TECRL: variants seen among roughly 807,000 people sequenced by gnomAD.
TECRL encodes the protein trans-2,3-enoyl-CoA reductase-like.
A neutral mutation model predicts 52.8 loss-of-function variants in TECRL; 63 were observed. The ratio of observed to expected loss-of-function variants is 1.19; its 90% confidence interval spans 0.97 to 1.47. The LOEUF (loss-of-function observed/expected upper bound fraction) is 1.47. Ranked by LOEUF, TECRL falls within the 40% of genes most tolerant of loss-of-function variation. The pLI is 0.00. For synonymous variants in TECRL, 164 were observed against 141.9 expected (o/e 1.16, Z -1.10); for missense variants, 482 against 429.6 (o/e 1.12, Z -1.08).
At chr4:64,338,900 A>G (rs968700784) in intron 2 of TECRL, among the ~76,000 whole-genome samples, 3 of 152,308 alleles carry the variant, frequency 2.0e-5, no homozygotes, top group Non-Finnish European at 2.9e-5. Context: ...CTAGAACTAG[A>G]AATACCATTT....
chr4:64,348,301 C>T (rs1720138810), intron 2 of TECRL, among the ~76,000 whole-genome samples: 1 of 152,116 alleles, frequency 6.6e-6, no homozygotes, highest in East Asian at 1.9e-4. Context: ...ATTTATGAAA[C>T]CATCAGATCT....
intron 2 of TECRL, among the ~76,000 whole-genome samples, chr4:64,367,231 C>T (rs1157347695): frequency 1.0e-5 from 1 of 97,052 alleles, no homozygotes; most frequent in Non-Finnish European, 2.2e-5. Context: ...CTGGAGCCTG[C>T]TTGAGGGTGG....
intron 6 of TECRL, 101 bp from the exon 7 acceptor site, chr4:64,305,339 C>A (rs1724267173): frequency 2.1e-6 from 2 of 944,910 alleles, no homozygotes; most frequent in East Asian, 2.6e-5. Context: ...AATTTGAAAC[C>A]ACCACATACA....
At chr4:64,374,506 A>G (rs1286911213) in intron 2 of TECRL, among the ~76,000 whole-genome samples, 1 of 151,798 alleles carries the variant, frequency 6.6e-6, no homozygotes, top group African/African-American at 2.4e-5. Context: ...GGTGTGCTGC[A>G]CCCATTAACC....
At chr4:64,337,060 C>T (rs1719144761) in intron 2 of TECRL, among the ~76,000 whole-genome samples, 3 of 152,048 alleles carry the variant, frequency 2.0e-5, no homozygotes, top group Admixed American at 1.3e-4. Flanking sequence ...TCCTGGATAT[C>T]CTTGTTAATT....
intron 2 of TECRL, among the ~76,000 whole-genome samples, chr4:64,360,929 C>G (rs1198929125): frequency 6.6e-6 from 1 of 152,168 alleles, no homozygotes; most frequent in Non-Finnish European, 1.5e-5. Context: ...GGTGCAGGAA[C>G]AGGCACAGTG....
chr4:64,409,445 A>G lies in TECRL; in HGVS notation c.-94T>C. On this transcript the variant is annotated 5_prime_UTR_variant, in exon 1 of 12. Transcript: ENST00000381210. Reference sequence around the variant, plus strand: ...GTTAAATACTGCTGGAGAACCTTTGAAAGGTCAAATGGTATGCCATTCCAA... The same window carrying G: ...GTTAAATACTGCTGGAGAACCTTTGGAAGGTCAAATGGTATGCCATTCCAA... 6.6e-7 allele frequency: 1 copy of G among 1,520,130 alleles called. No homozygotes were observed. 94.2% of individuals were successfully genotyped at this position (1,520,130 alleles called of 1,614,324 possible). A position where few individuals can be genotyped will look rare whatever the true frequency, so the allele number is the denominator to read the frequency against.
intron 2 of TECRL, among the ~76,000 whole-genome samples, chr4:64,371,325 T>C (rs1395242433): frequency 6.6e-6 from 1 of 150,984 alleles, no homozygotes; most frequent in Non-Finnish European, 1.5e-5. Context: ...AACTAAATTG[T>C]AAAACAATCA....
At position 64,328,528 on chromosome 4, in the gene TECRL, A is replaced by G. The variant is rs1718412138; in HGVS notation, c.315T>C (p.Gly105=). ...GCTTCTTACCACATTCTAGCTGCAG[A>G]CCAACTCGAGAAGGGTACCACTTTG... ...ACPKWYPSRV[G]LQLECGGPFL... is the part of the protein sequence containing the mutation. The change falls in exon 3 of 12, where the codon GGT becomes GGC. Residue 105 remains glycine (G), a synonymous_variant. Coordinates refer to ENST00000381210, the MANE Select transcript of TECRL (RefSeq NM_001010874.5). 6.2e-7 allele frequency: 1 copy of G among 1,611,864 alleles called. No homozygotes were observed. The highest frequency in any genetic ancestry group is 1.1e-5 in the South Asian group (1 of 90,920).
At chr4:64,323,305 G>A (rs1718034380) in intron 3 of TECRL, among the ~76,000 whole-genome samples, 1 of 151,986 alleles carries the variant, frequency 6.6e-6, no homozygotes, top group Admixed American at 6.6e-5. Context: ...GCTGAGGTGG[G>A]AGGATTGCTT....
downstream of TECRL, chr4:64,276,589 C>A (rs1307220461): frequency 6.6e-6 from 1 of 151,832 alleles, no homozygotes; most frequent in Non-Finnish European, 1.5e-5. Context: ...CTTTCCCCAC[C>A]AAACACACTG....
In TECRL at chr4:64,406,160, G is replaced by GCA. The variant is rs1325107013; in HGVS notation, c.234+2957_234+2958insTG. Among the ~76,000 whole-genome samples, 130 of 148,538 alleles carry GCA rather than the reference G, an allele frequency of 8.8e-4. 1 individual carries two copies. The highest frequency in any genetic ancestry group is 3.0e-3 in the African/African-American group (124 of 41,114). On this transcript the variant is annotated intron_variant, in intron 1 of 11. Transcript: ENST00000381210. ...TTTTATTTGTTAGGCGCGCGCGCGC[G>GCA]CGCGCGTGTGTGTGTGTGTGTATGT...
intron 3 of TECRL, among the ~76,000 whole-genome samples, chr4:64,327,447 A>G (rs1422554497): frequency 6.6e-6 from 1 of 152,118 alleles, no homozygotes; most frequent in Non-Finnish European, 1.5e-5. Context: ...GTAAGAGTCA[A>G]TTTCATTTCA....
intron 4 of TECRL, among the ~76,000 whole-genome samples, chr4:64,321,339 T>A (rs939605280): frequency 6.6e-5 from 10 of 152,102 alleles, no homozygotes; most frequent in Non-Finnish European, 1.5e-4. Context: ...GGTTGTTTAA[T>A]TGTAAAGAAA....
intron 4 of TECRL, among the ~76,000 whole-genome samples, chr4:64,321,416 T>G (rs1406409879): frequency 6.6e-6 from 1 of 152,106 alleles, no homozygotes; most frequent in East Asian, 1.9e-4. Context: ...AAAGTCATTT[T>G]GAATAGAAAA....
intron 2 of TECRL, among the ~76,000 whole-genome samples, chr4:64,368,946 A>G (rs1449861539): frequency 6.6e-6 from 1 of 152,120 alleles, no homozygotes; most frequent in African/African-American, 2.4e-5. Flanking sequence ...AACTGTCACA[A>G]TAAATTATAT....
chr4:64,335,870 T>C (rs938844805), intron 2 of TECRL, among the ~76,000 whole-genome samples: 5 of 152,214 alleles, frequency 3.3e-5, no homozygotes, highest in Non-Finnish European at 5.9e-5. Context: ...TGAAACCCAC[T>C]TGATCATGGT....
At chr4:64,407,835 A>C (rs1009677286) in intron 1 of TECRL, among the ~76,000 whole-genome samples, 1 of 150,020 alleles carries the variant, frequency 6.7e-6, no homozygotes, top group African/African-American at 2.4e-5. Context: ...TAAATATTAA[A>C]TATTTTGTAT....
At chr4:64,363,480 CAG>C (rs1721344037) in intron 2 of TECRL, among the ~76,000 whole-genome samples, 1 of 152,084 alleles carries the variant, frequency 6.6e-6, no homozygotes, top group African/African-American at 2.4e-5. Flanking sequence ...ACAAAGGAGA[CAG>C]GGTCATTTAT....
Sources: gnomAD v4.1 joint callset for allele counts (sites outside exome capture counted in the v4.1 genomes callset) on GRCh38, gnomAD v4.1.1 for gene constraint, MANE v1.5 for transcripts, NCBI Gene and HGNC (gene_info 2026-07-23, HGNC 2026-07-21) for gene names.